GPR158: variants seen among roughly 807,000 people sequenced by gnomAD.
The protein encoded by GPR158 is G protein-coupled receptor 158.
In GPR158, 30 loss-of-function variants were observed where a neutral mutation model predicts 78.2. The ratio of observed to expected loss-of-function variants is 0.38; its 90% CI spans 0.29 to 0.52. The LOEUF (loss-of-function observed/expected upper bound fraction) is 0.52. Ranked by LOEUF, GPR158 falls within the 20% of genes least tolerant of loss-of-function variation. The pLI is 0.83. For synonymous variants in GPR158, 581 were observed against 591.1 expected (o/e 0.98, Z 0.25); for missense variants, 1,463 against 1,523.5 (o/e 0.96, Z 0.66).
intron 2 of GPR158, among the ~76,000 whole-genome samples, chr10:25,364,858 GAGTAGCAGACA>G (rs1482912343): frequency 6.6e-6 from 1 of 151,750 alleles, no homozygotes; most frequent in Non-Finnish European, 1.5e-5. Flanking sequence ...ATTAGATTTA[GAGTAGCAGACA>G]AGGCAAAGCA....
chr10:25,397,813 T>C (rs1008096339), intron 3 of GPR158, among the ~76,000 whole-genome samples: 1 of 152,198 alleles, frequency 6.6e-6, no homozygotes, highest in Non-Finnish European at 1.5e-5. Context: ...GTCACTCCCT[T>C]GCTTAGGTTC....
At chr10:25,192,543 G>T (rs1297555853) in intron 1 of GPR158, among the ~76,000 whole-genome samples, 1 of 152,134 alleles carries the variant, frequency 6.6e-6, no homozygotes, top group Non-Finnish European at 1.5e-5. Flanking sequence ...AGAAAGTTAT[G>T]TAACTCTGTG....
chr10:25,540,945 A>AAT (rs57800341), intron 5 of GPR158, among the ~76,000 whole-genome samples: 1,825 of 82,760 alleles, frequency 0.022, 15 homozygotes, highest in South Asian at 0.046. Flanking sequence ...GTATAATAAA[A>AAT]ATATATATAT....
intron 7 of GPR158, among the ~76,000 whole-genome samples, chr10:25,573,758 G>T (rs1393667968): frequency 2.0e-5 from 3 of 151,980 alleles, no homozygotes; most frequent in Non-Finnish European, 1.5e-5. Context: ...TGCAGTTGTT[G>T]GCTAAATAGT....
At chr10:25,251,616 T>C (rs1250459720) in intron 2 of GPR158, among the ~76,000 whole-genome samples, 5 of 150,888 alleles carry the variant, frequency 3.3e-5, no homozygotes, top group Admixed American at 6.6e-5. Context: ...GAAAATTCTT[T>C]TCTTTAAGAA....
chr10:25,178,752 C>T (rs180705975), intron 1 of GPR158, among the ~76,000 whole-genome samples: 1 of 152,234 alleles, frequency 6.6e-6, no homozygotes, highest in East Asian at 1.9e-4. Context: ...ATTGAGGGTC[C>T]ACACAGTAGA....
chr10:25,183,090 CT>C (rs1852633728), intron 1 of GPR158, among the ~76,000 whole-genome samples: 1 of 152,172 alleles, frequency 6.6e-6, no homozygotes, highest in Non-Finnish European at 1.5e-5. Context: ...TGGTAATAAA[CT>C]AAAATTTGTT....
At chr10:25,338,584 C>CATATTATATATATT (rs71399963) in intron 2 of GPR158, among the ~76,000 whole-genome samples, 2 of 145,358 alleles carry the variant, frequency 1.4e-5, no homozygotes, top group Non-Finnish European at 3.0e-5. Flanking sequence ...ATATATAATA[C>CATATTATATATATT]ATATTATATA....
At chr10:25,298,867 A>T in intron 2 of GPR158, among the ~76,000 whole-genome samples, 1 of 152,122 alleles carries the variant, frequency 6.6e-6, no homozygotes. Flanking sequence ...AAAAGATAAA[A>T]ATCTCCATGT....
chr10:25,197,880 A>G (rs1297035441), intron 1 of GPR158, among the ~76,000 whole-genome samples: 1 of 152,216 alleles, frequency 6.6e-6, no homozygotes, highest in East Asian at 1.9e-4. Flanking sequence ...GTTCCCTGAC[A>G]AGAAATTGTC....
chr10:25,268,034 A>G (rs1008569378), intron 2 of GPR158, among the ~76,000 whole-genome samples: 1 of 152,170 alleles, frequency 6.6e-6, no homozygotes, highest in African/African-American at 2.4e-5. Context: ...TGTGAAAAGC[A>G]CTGACCACAC....
At chr10:25,210,393 G>T (rs556818983) in intron 1 of GPR158, among the ~76,000 whole-genome samples, 1 of 152,268 alleles carries the variant, frequency 6.6e-6, no homozygotes, top group Non-Finnish European at 1.5e-5. Context: ...CCAAAAGCAG[G>T]ATTTCTGAGT....
At chr10:25,183,405 G>A (rs1452077113) in intron 1 of GPR158, among the ~76,000 whole-genome samples, 1 of 152,076 alleles carries the variant, frequency 6.6e-6, no homozygotes, top group Non-Finnish European at 1.5e-5. Context: ...GATAAATCTA[G>A]TTTTATTACT....
At chr10:25,219,737 G>A (rs1221374435) in intron 1 of GPR158, among the ~76,000 whole-genome samples, 1 of 152,202 alleles carries the variant, frequency 6.6e-6, no homozygotes, top group African/African-American at 2.4e-5. Context: ...AGCCCAAGTG[G>A]CATTAAGCCA....
chr10:25,396,898 A>C (rs1405553242), intron 3 of GPR158, among the ~76,000 whole-genome samples: 1 of 152,124 alleles, frequency 6.6e-6, no homozygotes, highest in Non-Finnish European at 1.5e-5. Flanking sequence ...AGTTCCTTGC[A>C]TTTGTAGGCC....
At chr10:25,312,330 C>T (rs1313782012) in intron 2 of GPR158, among the ~76,000 whole-genome samples, 1 of 151,936 alleles carries the variant, frequency 6.6e-6, no homozygotes, top group Non-Finnish European at 1.5e-5. Context: ...ATACGTTTAA[C>T]CCAAAATGTA....
At chr10:25,376,723 C>A (rs1220688754) in intron 2 of GPR158, among the ~76,000 whole-genome samples, 1 of 151,560 alleles carries the variant, frequency 6.6e-6, no homozygotes, top group Non-Finnish European at 1.5e-5. Context: ...CTGAAAATAT[C>A]TTTATTTAAC....
intron 5 of GPR158, among the ~76,000 whole-genome samples, chr10:25,472,122 T>C (rs61846636): frequency 2.6e-5 from 4 of 151,916 alleles, no homozygotes; most frequent in African/African-American, 9.7e-5. Context: ...TTTAATCCAT[T>C]TTGAATTAAT....
At chr10:25,257,774 A>G (rs1264972895) in intron 2 of GPR158, among the ~76,000 whole-genome samples, 1 of 152,164 alleles carries the variant, frequency 6.6e-6, no homozygotes, top group Admixed American at 6.5e-5. Flanking sequence ...TTTTGGCTAT[A>G]CTTTGCGAGT....
Sources: gnomAD v4.1 joint callset for allele counts (sites outside exome capture counted in the v4.1 genomes callset) on GRCh38, gnomAD v4.1.1 for gene constraint, MANE v1.5 for transcripts, NCBI Gene and HGNC (gene_info 2026-07-23, HGNC 2026-07-21) for gene names.